The following TMEM132C variants were observed in gnomAD, a reference collection of about 807,000 sequenced individuals.
The protein encoded by TMEM132C is protein phosphatase 1, regulatory subunit 152.
A neutral mutation model predicts 61.4 loss-of-function variants in TMEM132C; 29 were observed. The observed-to-expected ratio is 0.47, with a 90% CI of 0.35 to 0.64. TMEM132C has a LOEUF of 0.64. TMEM132C is among the 30% of genes least tolerant of loss of function. The probability of loss-of-function intolerance (pLI) is 0.00; values close to 1 mark genes in which losing one functional copy is unlikely to be tolerated. For missense variants in TMEM132C, 1,408 were observed against 1,476.9 expected (o/e 0.95, Z 0.76); for synonymous variants, 656 against 633.1 (o/e 1.04, Z -0.54).
At chr12:128,425,034 T>G (rs1364695013) in intron 2 of TMEM132C, among the ~76,000 whole-genome samples, 1 of 152,230 alleles carries the variant, frequency 6.6e-6, no homozygotes, top group Non-Finnish European at 1.5e-5. Context: ...GGTAGCACAC[T>G]TCTGCGCCTA....
chr12:128,346,415 A>G (rs2135958629), intron 1 of TMEM132C, among the ~76,000 whole-genome samples: 1 of 152,272 alleles, frequency 6.6e-6, no homozygotes, highest in East Asian at 1.9e-4. Context: ...ATGAATTTTA[A>G]AAATAGATTT....
intron 1 of TMEM132C, among the ~76,000 whole-genome samples, chr12:128,311,670 C>T (rs904534768): frequency 4.6e-5 from 7 of 152,186 alleles, no homozygotes; most frequent in African/African-American, 1.4e-4. Flanking sequence ...GCACCCCCGC[C>T]GGAACCTGGT....
chr12:128,683,704 C>T (rs1267709320), intron 5 of TMEM132C, among the ~76,000 whole-genome samples: 1 of 152,218 alleles, frequency 6.6e-6, no homozygotes, highest in Non-Finnish European at 1.5e-5. Context: ...CAGTGGCTCA[C>T]GCCTGTAATC....
intron 5 of TMEM132C, among the ~76,000 whole-genome samples, chr12:128,674,974 A>T (rs1954569346): frequency 6.6e-6 from 1 of 152,042 alleles, no homozygotes; most frequent in South Asian, 2.1e-4. Flanking sequence ...TGGCCCGTGT[A>T]AGCACTTGAA....
intron 1 of TMEM132C, among the ~76,000 whole-genome samples, chr12:128,406,150 G>C (rs1219213150): frequency 6.6e-6 from 1 of 152,176 alleles, no homozygotes; most frequent in Non-Finnish European, 1.5e-5. Flanking sequence ...AATGTCCATG[G>C]ACATTGGCTC....
chr12:128,544,051 C>T lies in TMEM132C; in HGVS notation c.1069C>T (p.His357Tyr), dbSNP rs746104811. Residue 357 changes from histidine (H) to tyrosine (Y), a missense_variant, in exon 3 of 9, where the codon CAC (histidine) becomes TAC (tyrosine). Coordinates refer to ENST00000435159, the MANE Select transcript of TMEM132C (RefSeq NM_001136103.3). ...GCAGGAGGTGGGCAGCGGCGGAAAG[C>T]ACGTGACGGCCACCGTGGCCTGCCA... is the stretch of plus-strand genomic sequence containing the variant. ...VKQEVGSGGK[H>Y]VTATVACQRL... 2 of 1,547,080 alleles carry T rather than the reference C, an allele frequency of 1.3e-6. No individual in the cohort carries two copies. Among genetic ancestry groups the T allele is most frequent in the African/African-American group, 1.4e-5 (1 of 73,008 alleles).
At chr12:128,693,238 C>A (rs1025863370) in intron 5 of TMEM132C, among the ~76,000 whole-genome samples, 4 of 152,142 alleles carry the variant, frequency 2.6e-5, no homozygotes, top group East Asian at 3.9e-4. Flanking sequence ...GCACTACGGG[C>A]CCTTTGCATC....
intron 4 of TMEM132C, among the ~76,000 whole-genome samples, chr12:128,661,478 G>A (rs1954389311): frequency 6.6e-6 from 1 of 151,876 alleles, no homozygotes; most frequent in Non-Finnish European, 1.5e-5. Flanking sequence ...ACAACTGCTT[G>A]GAAGCACCAA....
chr12:128,292,465 C>T (rs1871273451), intron 1 of TMEM132C, among the ~76,000 whole-genome samples: 1 of 152,076 alleles, frequency 6.6e-6, no homozygotes, highest in Non-Finnish European at 1.5e-5. Flanking sequence ...ATGTAAGCTC[C>T]TCGTGGGCAT....
chr12:128,583,750 G>A (rs1016259434), intron 3 of TMEM132C, among the ~76,000 whole-genome samples: 18 of 152,202 alleles, frequency 1.2e-4, no homozygotes, highest in African/African-American at 4.1e-4. Context: ...GCCGCCCCCC[G>A]CCCCACCCCA....
rs1042548972 is a variant in TMEM132C at position 128,630,082 on chromosome 12, G to C, written c.1305+13747G>C. On this transcript the variant is annotated intron_variant, in intron 4 of 8. Transcript: ENST00000435159. This position sits in a 1 kb window ranked among gnomAD's most constrained non-coding sequence, Gnocchi z 4.3. ...TGTGGGCTAAGGGAGAGGCATGGCT[G>C]TGTTTCAGGGGTCTTTGAACTTGAG... 6.6e-6 allele frequency among the ~76,000 whole-genome samples: 1 copy of C among 152,090 alleles called. No individual in the cohort carries two copies. Among genetic ancestry groups the C allele is most frequent in the Non-Finnish European group, 1.5e-5 (1 of 68,014 alleles).
At chr12:128,612,602 G>A (rs1473538698) in intron 3 of TMEM132C, among the ~76,000 whole-genome samples, 3 of 152,166 alleles carry the variant, frequency 2.0e-5, no homozygotes, top group Non-Finnish European at 2.9e-5. Context: ...TGCAAAATGA[G>A]AACCTTAATC....
intron 1 of TMEM132C, among the ~76,000 whole-genome samples, chr12:128,354,962 C>T (rs142158967): frequency 1.3e-5 from 2 of 152,298 alleles, no homozygotes; most frequent in African/African-American, 4.8e-5. Flanking sequence ...ACTTCCACTA[C>T]CTAAGAGAAT....
At chr12:128,604,614 TA>T (rs563959042) in intron 3 of TMEM132C, among the ~76,000 whole-genome samples, 131 of 151,364 alleles carry the variant, frequency 8.7e-4, no homozygotes, top group Middle Eastern at 6.8e-3. Flanking sequence ...GCTAGATAGA[TA>T]AAAAATGGAT....
chr12:128,622,760 A>G (rs1953980509), intron 4 of TMEM132C, among the ~76,000 whole-genome samples: 1 of 152,062 alleles, frequency 6.6e-6, no homozygotes, highest in African/African-American at 2.4e-5. Flanking sequence ...ATCTCCTTTG[A>G]CAGGGATTGG....
intron 2 of TMEM132C, among the ~76,000 whole-genome samples, chr12:128,420,952 A>G (rs1222982332): frequency 6.6e-6 from 1 of 152,232 alleles, no homozygotes; most frequent in Non-Finnish European, 1.5e-5. Flanking sequence ...TGTGGGAATA[A>G]CAGTGAAGTT....
At chr12:128,436,325 T>C (rs1446126021) in intron 2 of TMEM132C, among the ~76,000 whole-genome samples, 1 of 152,210 alleles carries the variant, frequency 6.6e-6, no homozygotes, top group Admixed American at 6.5e-5. Context: ...AAAGAGCTTC[T>C]GCACAGCAAA....
At chr12:128,283,116 A>G (rs540455741) in intron 1 of TMEM132C, among the ~76,000 whole-genome samples, 72 of 152,252 alleles carry the variant, frequency 4.7e-4, no homozygotes, top group African/African-American at 1.6e-3. Flanking sequence ...TGAATCTATA[A>G]CAGGATGGGT....
intron 4 of TMEM132C, among the ~76,000 whole-genome samples, chr12:128,628,408 C>T (rs1954038199): frequency 6.6e-6 from 1 of 152,230 alleles, no homozygotes; most frequent in East Asian, 1.9e-4. Flanking sequence ...CTCTTCCCCA[C>T]ATTCCAAACT....
Sources: allele counts gnomAD v4.1 joint callset (sites outside exome capture counted in the v4.1 genomes callset), GRCh38; gene constraint gnomAD v4.1.1; non-coding constraint Gnocchi (gnomAD v3.1); transcripts MANE v1.5; gene names NCBI Gene and HGNC (gene_info 2026-07-23, HGNC 2026-07-21).